Variants in SH3GL2 observed in about 807,000 individuals in gnomAD.
SH3GL2 encodes the protein SH3 domain containing GRB2 like 2, endophilin A1, also known as endophilin-A1.
A neutral mutation model predicts 46.0 loss-of-function variants in SH3GL2; 24 were observed. The ratio of observed to expected loss-of-function variants is 0.52; its 90% confidence interval spans 0.38 to 0.73. SH3GL2 has a LOEUF of 0.73. Among genes scored for constraint, SH3GL2 ranks in the 30% least tolerant of loss-of-function variants. SH3GL2 has a pLI of 0.00. For missense variants in SH3GL2, 413 were observed against 424.2 expected (o/e 0.97, Z 0.23); for synonymous variants, 196 against 147.1 (o/e 1.33, Z -2.40).
chr9:17,628,528 T>A (rs1819343258), intron 1 of SH3GL2, among the ~76,000 whole-genome samples: 1 of 152,164 alleles, frequency 6.6e-6, no homozygotes, highest in Non-Finnish European at 1.5e-5. Flanking sequence ...CTTGCCTTGC[T>A]GACTTCAGAC....
chr9:17,711,598 A>G (rs1467538057), intron 1 of SH3GL2, among the ~76,000 whole-genome samples: 3 of 151,806 alleles, frequency 2.0e-5, no homozygotes, highest in East Asian at 1.9e-4. Flanking sequence ...ACTTCTTTCA[A>G]TCGGCATAAT....
At chr9:17,636,511 C>T (rs567735830) in intron 1 of SH3GL2, among the ~76,000 whole-genome samples, 1 of 152,296 alleles carries the variant, frequency 6.6e-6, no homozygotes, top group East Asian at 1.9e-4. Context: ...TACAAAATGA[C>T]CTTTTTCACT....
At chr9:17,727,069 C>T (rs532524966) in intron 1 of SH3GL2, among the ~76,000 whole-genome samples, 63 of 152,192 alleles carry the variant, frequency 4.1e-4, no homozygotes, top group African/African-American at 1.4e-3. Context: ...AAATAGGTAT[C>T]AGTGGGGAAA....
chr9:17,615,824 T>C (rs1563783045), intron 1 of SH3GL2, among the ~76,000 whole-genome samples: 1 of 152,208 alleles, frequency 6.6e-6, no homozygotes, highest in Admixed American at 6.5e-5. Flanking sequence ...ATGCTAACTT[T>C]CTAGAACTCA....
At chr9:17,623,050 C>CCCCTTT in intron 1 of SH3GL2, among the ~76,000 whole-genome samples, 2 of 109,088 alleles carry the variant, frequency 1.8e-5, no homozygotes, top group African/African-American at 6.8e-5. Flanking sequence ...CCTTCCCCTT[C>CCCCTTT]CCCTTCCCCT....
intron 1 of SH3GL2, among the ~76,000 whole-genome samples, chr9:17,704,470 T>G (rs1821419162): frequency 6.6e-6 from 1 of 151,640 alleles, no homozygotes; most frequent in Non-Finnish European, 1.5e-5. Context: ...TCAAAAAGCC[T>G]GAATAGACAA....
chr9:17,775,527 T>TG lies in SH3GL2; in HGVS notation c.188-10852dup, dbSNP rs377048471. ...ATAGTTATAGGATGAAATCTGGTTA[T>TG]GGTCTTCAGTTTTTCAGGTATTTCA... On this transcript the variant is annotated intron_variant, in intron 3 of 8. Coordinates refer to ENST00000380607, the MANE Select transcript of SH3GL2 (RefSeq NM_003026.5). Among the ~76,000 whole-genome samples, 259 of 152,316 alleles carry TG rather than the reference T, an allele frequency of 1.7e-3. 1 individual carries two copies. The highest frequency in any genetic ancestry group is 6.1e-3 in the African/African-American group (253 of 41,586).
chr9:17,630,488 C>G (rs1341409688), intron 1 of SH3GL2: 1 of 152,218 alleles, frequency 6.6e-6, no homozygotes, highest in Non-Finnish European at 1.5e-5. Context: ...TTGTTGGAAG[C>G]CTGCAAGTGA....
intron 1 of SH3GL2, among the ~76,000 whole-genome samples, chr9:17,638,969 AT>A (rs1240386488): frequency 6.6e-6 from 1 of 152,208 alleles, no homozygotes; most frequent in Admixed American, 6.5e-5. Flanking sequence ...TAATCTATCA[AT>A]TATTAACCCT....
At chr9:17,748,166 C>T (rs1247567981) in intron 2 of SH3GL2, among the ~76,000 whole-genome samples, 1 of 151,954 alleles carries the variant, frequency 6.6e-6, no homozygotes, top group Non-Finnish European at 1.5e-5. Flanking sequence ...TTCGCTTTTA[C>T]TTTTCTTTTA....
At chr9:17,648,395 T>A (rs1819878094) in intron 1 of SH3GL2, among the ~76,000 whole-genome samples, 1 of 152,068 alleles carries the variant, frequency 6.6e-6, no homozygotes, top group African/African-American at 2.4e-5. Context: ...AAGAGTAAAA[T>A]GTTGGGTTGG....
At chr9:17,728,247 C>A (rs563564583) in intron 1 of SH3GL2, among the ~76,000 whole-genome samples, 126 of 152,020 alleles carry the variant, frequency 8.3e-4, no homozygotes, top group African/African-American at 2.9e-3. Flanking sequence ...TTCATCATAT[C>A]CTGAGGAAAA....
intron 3 of SH3GL2, among the ~76,000 whole-genome samples, chr9:17,781,425 G>T (rs923021906): frequency 4.7e-5 from 7 of 148,028 alleles, no homozygotes; most frequent in South Asian, 2.2e-4. Flanking sequence ...CTCCCATGTT[G>T]TAGGTTGCCT....
chr9:17,682,130 A>C (rs919172322), intron 1 of SH3GL2, among the ~76,000 whole-genome samples: 1 of 152,178 alleles, frequency 6.6e-6, no homozygotes, highest in African/African-American at 2.4e-5. Flanking sequence ...AATTAGTTCA[A>C]CCATTTTGGA....
At chr9:17,613,380 G>A (rs1443463724) in intron 1 of SH3GL2, among the ~76,000 whole-genome samples, 1 of 152,162 alleles carries the variant, frequency 6.6e-6, no homozygotes, top group Non-Finnish European at 1.5e-5. Flanking sequence ...AAAATATGGA[G>A]CTGATGTTGC....
intron 1 of SH3GL2, among the ~76,000 whole-genome samples, chr9:17,668,979 A>G (rs1434535512): frequency 6.6e-6 from 1 of 152,174 alleles, no homozygotes; most frequent in East Asian, 1.9e-4. Context: ...TTAAAAATCC[A>G]TTTCACTCAG....
chr9:17,655,010 C>T (rs962714286), intron 1 of SH3GL2, among the ~76,000 whole-genome samples: 3 of 152,088 alleles, frequency 2.0e-5, no homozygotes, highest in African/African-American at 7.2e-5. Flanking sequence ...GTTCATAGAT[C>T]AAATAGTTCT....
intron 1 of SH3GL2, among the ~76,000 whole-genome samples, chr9:17,604,159 G>A (rs1464683772): frequency 6.6e-6 from 1 of 152,142 alleles, no homozygotes; most frequent in Non-Finnish European, 1.5e-5. Context: ...GGTCTCAGAA[G>A]TGAGGTATTT....
intron 1 of SH3GL2, among the ~76,000 whole-genome samples, chr9:17,738,623 A>AG: frequency 3.4e-5 from 1 of 29,568 alleles, no homozygotes; most frequent in Non-Finnish European, 6.1e-5. Flanking sequence ...GCCTCATGTG[A>AG]TTTTATATAT....
Sources: allele counts gnomAD v4.1 joint callset (sites outside exome capture counted in the v4.1 genomes callset), GRCh38; gene constraint gnomAD v4.1.1; transcripts MANE v1.5; gene names NCBI Gene and HGNC (gene_info 2026-07-23, HGNC 2026-07-21).